The following PCDH15 variants were observed in gnomAD, a reference collection of about 807,000 sequenced individuals.
The protein encoded by PCDH15 is protocadherin-15.
Under a neutral mutation model 178.5 loss-of-function variants are expected in PCDH15, and 129 were observed. The ratio of observed to expected loss-of-function variants is 0.72; its 90% confidence interval spans 0.63 to 0.84. The LOEUF (loss-of-function observed/expected upper bound fraction) is 0.84. Among genes scored for constraint, PCDH15 ranks in the 40% least tolerant of loss-of-function variants. The probability of loss-of-function intolerance (pLI) is 0.00; values close to 1 mark genes in which losing one functional copy is unlikely to be tolerated. For synonymous variants in PCDH15, 800 were observed against 732.0 expected (o/e 1.09, Z -1.50); for missense variants, 2,230 against 2,099.9 (o/e 1.06, Z -1.21).
chr10:54,377,689 A>AT (rs1948649929), intron 4 of PCDH15, among the ~76,000 whole-genome samples: 1 of 152,086 alleles, frequency 6.6e-6, no homozygotes, highest in African/African-American at 2.4e-5. Flanking sequence ...AGTATCTGAC[A>AT]TTTGGATTTC....
intron 2 of PCDH15, among the ~76,000 whole-genome samples, chr10:55,590,229 C>T (rs1365461189): frequency 4.0e-5 from 6 of 149,292 alleles, no homozygotes; most frequent in African/African-American, 1.2e-4. Context: ...AACCAAACAC[C>T]GCATGTTCTC....
chr10:54,249,341 T>C (rs2056276649), intron 8 of PCDH15, among the ~76,000 whole-genome samples: 1 of 152,118 alleles, frequency 6.6e-6, no homozygotes, highest in Non-Finnish European at 1.5e-5. Flanking sequence ...TCCTCTTCAG[T>C]AGTGTGTAAA....
chr10:54,158,607 TG>T (rs781765524), intron 13 of PCDH15, among the ~76,000 whole-genome samples: 9 of 152,194 alleles, frequency 5.9e-5, no homozygotes, highest in Non-Finnish European at 1.0e-4. Context: ...TGCTCTTTCC[TG>T]GTTCTGATAA....
intron 3 of PCDH15, among the ~76,000 whole-genome samples, chr10:54,476,894 A>G (rs961194487): frequency 1.3e-5 from 2 of 152,092 alleles, no homozygotes; most frequent in African/African-American, 4.8e-5. Context: ...TTCTAAAGAT[A>G]TATTAGATTT....
intron 2 of PCDH15, among the ~76,000 whole-genome samples, chr10:55,334,309 TA>T (rs1343836697): frequency 5.3e-4 from 65 of 123,692 alleles, no homozygotes; most frequent in African/African-American, 2.1e-3. Flanking sequence ...TATATATATA[TA>T]TATATTTTTT....
intron 2 of PCDH15, among the ~76,000 whole-genome samples, chr10:54,642,208 A>C (rs1304552476): frequency 6.6e-6 from 1 of 152,128 alleles, no homozygotes; most frequent in African/African-American, 2.4e-5. Flanking sequence ...CAGAGAAAAG[A>C]CCACTGTCAA....
At chr10:54,807,919 T>C (rs894897466) in intron 3 of PCDH15, among the ~76,000 whole-genome samples, 1 of 151,514 alleles carries the variant, frequency 6.6e-6, no homozygotes, top group Non-Finnish European at 1.5e-5. Flanking sequence ...GTGGAAAAAT[T>C]ATCAGCCTAA....
At chr10:54,150,909 A>T (rs554908229) in intron 14 of PCDH15, among the ~76,000 whole-genome samples, 1 of 151,850 alleles carries the variant, frequency 6.6e-6, no homozygotes, top group Admixed American at 6.6e-5. Context: ...AGAGAAAAAA[A>T]TTATGTCCTA....
rs560427940 is a variant in PCDH15 at position 55,185,660 on chromosome 10, C to A, written c.-155-19009G>T. Among the ~76,000 whole-genome samples, 19 of 151,760 alleles carry A rather than the reference C, an allele frequency of 1.3e-4. No homozygotes were observed. In the East Asian group the frequency reaches 3.5e-3, roughly 28 times the overall value. On this transcript the variant is annotated intron_variant, in intron 1 of 5. Coordinates refer to the PCDH15 transcript ENST00000458638. Reference sequence around the variant, plus strand: ...ATGTGGAAAGAATCATTTGACAGGGCTTCTATTTTTATTTGGATACAGTGT... The same window carrying A: ...ATGTGGAAAGAATCATTTGACAGGGATTCTATTTTTATTTGGATACAGTGT...
At chr10:55,473,029 A>G (rs1270195496) in intron 2 of PCDH15, among the ~76,000 whole-genome samples, 1 of 152,222 alleles carries the variant, frequency 6.6e-6, no homozygotes, top group Non-Finnish European at 1.5e-5. Context: ...TTACAACATT[A>G]GAGTGGAATG....
At chr10:55,110,615 C>T (rs1326076202) in intron 2 of PCDH15, among the ~76,000 whole-genome samples, 2 of 150,316 alleles carry the variant, frequency 1.3e-5, no homozygotes, top group African/African-American at 2.4e-5. Context: ...CATTTAAATA[C>T]GATTAAAATA....
At chr10:54,073,274 A>G (rs2094281355) in intron 17 of PCDH15, among the ~76,000 whole-genome samples, 1 of 151,050 alleles carries the variant, frequency 6.6e-6, no homozygotes, top group Non-Finnish European at 1.5e-5. Context: ...ATATTTATAT[A>G]TTTGTACATA....
chr10:55,237,401 C>T (rs1841411533), intron 1 of PCDH15, among the ~76,000 whole-genome samples: 1 of 152,106 alleles, frequency 6.6e-6, no homozygotes, highest in Non-Finnish European at 1.5e-5. Flanking sequence ...CTAACTTTAA[C>T]TCATAAAGAA....
At chr10:54,733,711 T>C (rs1453858896) in intron 1 of PCDH15, among the ~76,000 whole-genome samples, 2 of 151,688 alleles carry the variant, frequency 1.3e-5, no homozygotes, top group Admixed American at 6.6e-5. Flanking sequence ...TTTAAAGTTA[T>C]AGTAATCAGG....
chr10:53,811,624 T>G lies in PCDH15; in HGVS notation c.4492-5A>C, dbSNP rs2075868172. ...TCCAGACTCCATGGATAATTCCTAT[T>G]GTTCAAAAAGAAAAATTGCATTTGA... On this transcript the variant is annotated splice_region_variant and splice_polypyrimidine_tract_variant and intron_variant, in intron 35 of 37. Transcript: ENST00000644397. 6.5e-7 allele frequency: 1 copy of G among 1,536,740 alleles called. No individual in the cohort carries two copies. The highest frequency in any genetic ancestry group is 1.4e-5 in the African/African-American group (1 of 72,476).
chr10:53,871,213 C>T (rs886471174), intron 26 of PCDH15, among the ~76,000 whole-genome samples: 2 of 150,482 alleles, frequency 1.3e-5, no homozygotes, highest in African/African-American at 4.9e-5. Flanking sequence ...TCGTGGCAGG[C>T]ACCTGTAGTC....
At chr10:54,986,404 T>G (rs1839365654) in intron 2 of PCDH15, among the ~76,000 whole-genome samples, 1 of 152,196 alleles carries the variant, frequency 6.6e-6, no homozygotes, top group Admixed American at 6.5e-5. Flanking sequence ...ATATGTGAGT[T>G]AATATTTTAT....
At chr10:54,028,403 G>A (rs1262829716) in intron 18 of PCDH15, among the ~76,000 whole-genome samples, 20 of 149,864 alleles carry the variant, frequency 1.3e-4, no homozygotes, top group African/African-American at 3.4e-4. Context: ...ATCTAGAACT[G>A]GAAATACCAT....
chr10:54,814,048 C>T (rs1361404083), intron 3 of PCDH15, among the ~76,000 whole-genome samples: 1 of 152,164 alleles, frequency 6.6e-6, no homozygotes, highest in African/African-American at 2.4e-5. Context: ...GTCTACCTCC[C>T]ACACATATAT....
Sources: allele counts gnomAD v4.1 joint callset (sites outside exome capture counted in the v4.1 genomes callset), GRCh38; gene constraint gnomAD v4.1.1; transcripts MANE v1.5; gene names NCBI Gene and HGNC (gene_info 2026-07-23, HGNC 2026-07-21).